The following KCNQ1 variants were observed in gnomAD, a reference collection of about 807,000 sequenced individuals.
KCNQ1 encodes potassium voltage-gated channel subfamily KQT member 1.
Under a neutral mutation model 72.4 loss-of-function variants are expected in KCNQ1, and 49 were observed. The observed-to-expected ratio is 0.68, with a 90% CI of 0.54 to 0.86. The LOEUF (loss-of-function observed/expected upper bound fraction) is 0.86, where lower values mean the gene tolerates loss of function less well. Ranked by LOEUF, KCNQ1 falls within the 40% of genes least tolerant of loss-of-function variation. KCNQ1 has a pLI of 0.00. For synonymous variants in KCNQ1, 450 were observed against 412.6 expected (o/e 1.09, Z -1.10); for missense variants, 790 against 945.1 (o/e 0.84, Z 2.15).
At chr11:2,580,436 T>C in intron 6 of KCNQ1, among the ~76,000 whole-genome samples, 1 of 152,234 alleles carries the variant, frequency 6.6e-6, no homozygotes, top group South Asian at 2.1e-4. Context: ...TCATGAAAAA[T>C]TTCTATATTT....
Position 2,661,551 on chromosome 11 carries a change from T to C in KCNQ1, c.1394-410T>C, listed in dbSNP as rs1590014501. 1.9e-6 allele frequency: 1 copy of C among 528,674 alleles called. No individual in the cohort carries two copies. The highest frequency in any genetic ancestry group is 3.3e-6 in the Non-Finnish European group (1 of 298,930). The allele number at this position is 528,674 out of a possible 1,614,324, so 32.7% of individuals were successfully genotyped here. A position where few individuals can be genotyped will look rare whatever the true frequency, so the allele number is the denominator to read the frequency against. ...CTTTCCTGACCCACTACTCTGTCAA[T>C]GTATGAGTGTGACAATGTATGGTGG... On this transcript the variant is annotated intron_variant, in intron 10 of 15. Coordinates refer to ENST00000155840, the MANE Select transcript of KCNQ1 (RefSeq NM_000218.3). The surrounding 1 kb of genome is among the most constrained non-coding windows in gnomAD (Gnocchi z 5.9).
chr11:2,681,710 G>C, intron 11 of KCNQ1: 1 of 391,702 alleles, frequency 2.6e-6, no homozygotes, highest in Non-Finnish European at 4.4e-6. Context: ...CCATGTGTCT[G>C]TTCCTCTATT....
intron 11 of KCNQ1, chr11:2,666,464 G>A (rs752647119): frequency 2.5e-6 from 1 of 398,694 alleles, no homozygotes; most frequent in Non-Finnish European, 4.4e-6. Context: ...GGACCCTGCA[G>A]AATCTCACGC....
rs374603075 is a variant in KCNQ1 at position 2,466,143 on chromosome 11, T to C, written c.386+20659T>C. ...TTCCTGAGGCTTTGCCTAGGGAGTG[T>C]CGCTGAGGAAGCTGGAACAGTGACC... On this transcript the variant is annotated intron_variant, in intron 1 of 15. Transcript: ENST00000155840. Among the ~76,000 whole-genome samples the C allele has an allele frequency of 1.2e-4, 18 of 152,140 alleles. 1 individual carries two copies. The East Asian group carries it at 1.5e-3, about 13-fold the overall frequency.
In KCNQ1 at chr11:2,827,839, A is replaced by G. The variant is rs1211602636; in HGVS notation, c.1795-19928A>G. On this transcript the variant is annotated intron_variant, in intron 15 of 15. Transcript: ENST00000155840. This position sits in a 1 kb window ranked among gnomAD's most constrained non-coding sequence, Gnocchi z 6.7. ...GGTGGTACTGTTTTCCGGAATGAAG[A>G]GGAAGGGGCGGGCAGAAGGCAGCGA... is the stretch of plus-strand genomic sequence containing the variant. Among the ~76,000 whole-genome samples the G allele has an allele frequency of 6.6e-6, 1 of 152,038 alleles. No homozygotes were observed.
intron 1 of KCNQ1, among the ~76,000 whole-genome samples, chr11:2,511,790 G>C (rs1444825862): frequency 6.6e-6 from 1 of 152,204 alleles, no homozygotes; most frequent in Non-Finnish European, 1.5e-5. Flanking sequence ...TCTGGGAGCT[G>C]GGAACCTCCA....
chr11:2,556,480 G>A (rs1014530612), intron 2 of KCNQ1, among the ~76,000 whole-genome samples: 9 of 152,180 alleles, frequency 5.9e-5, no homozygotes, highest in East Asian at 3.9e-4. Context: ...ACACGGCCAC[G>A]TGTGCTTGTG....
chr11:2,692,303 C>T, intron 11 of KCNQ1: 1 of 399,018 alleles, frequency 2.5e-6, no homozygotes, highest in Non-Finnish European at 4.4e-6. Context: ...TGCTTCCCTC[C>T]ATCCCTATTG....
rs1042607954 is a variant in KCNQ1 at position 2,564,379 on chromosome 11, A to C, written c.478-6249A>C. On this transcript the variant is annotated intron_variant, in intron 2 of 15. Transcript: ENST00000155840. This position sits in a 1 kb window ranked among gnomAD's most constrained non-coding sequence, Gnocchi z 4.5. ...AAGGCTGAGGCGGGCGGATCACCTG[A>C]GGTCAGGAGTTTGAGACCAGCCTGG... Among the ~76,000 whole-genome samples, 3 of 152,168 alleles carry C rather than the reference A, an allele frequency of 2.0e-5. No homozygotes were observed. Among genetic ancestry groups the C allele is most frequent in the Non-Finnish European group, 4.4e-5 (3 of 68,018 alleles).
At chr11:2,743,550 G>T (rs931719450) in intron 11 of KCNQ1, among the ~76,000 whole-genome samples, 5 of 152,184 alleles carry the variant, frequency 3.3e-5, no homozygotes, top group Non-Finnish European at 5.9e-5. Flanking sequence ...CTTGAGCAGG[G>T]AAGGGAAGGG....
At chr11:2,633,240 T>G in intron 10 of KCNQ1, 1 of 398,546 alleles carries the variant, frequency 2.5e-6, no homozygotes, top group Non-Finnish European at 4.4e-6. Context: ...TAATCTGGTG[T>G]TTTTTGCTGT....
chr11:2,842,587 T>C (rs1172900861), intron 15 of KCNQ1, among the ~76,000 whole-genome samples: 4 of 152,210 alleles, frequency 2.6e-5, no homozygotes, highest in African/African-American at 2.4e-5. Flanking sequence ...TACAAGTGTG[T>C]ACAAGGGTGC....
At chr11:2,667,323 A>G (rs981181970) in intron 11 of KCNQ1, 7 of 398,444 alleles carry the variant, frequency 1.8e-5, no homozygotes, top group South Asian at 1.3e-4. Context: ...GGCCCAGAAG[A>G]AAGCAGTGAG....
chr11:2,479,185 G>A lies in KCNQ1; in HGVS notation c.386+33701G>A, dbSNP rs1466908958. ...TGTCTGCAGCTTTTCCAGGCACATG[G>A]TGCAAGCTGTTGATGGATCTATCAT... On this transcript the variant is annotated intron_variant, in intron 1 of 15. Coordinates refer to ENST00000155840, the MANE Select transcript of KCNQ1 (RefSeq NM_000218.3). The surrounding 1 kb of genome is among the most constrained non-coding windows in gnomAD (Gnocchi z 4.6). 2.0e-5 allele frequency among the ~76,000 whole-genome samples: 3 copies of A among 152,192 alleles called. No individual in the cohort carries two copies. Among genetic ancestry groups the A allele is most frequent in the African/African-American group, 2.4e-5 (1 of 41,440 alleles).
rs1467422993 is a variant in KCNQ1 at position 2,715,885 on chromosome 11, GTGAT to G, written c.1515-52955_1515-52952del. 6.6e-6 allele frequency among the ~76,000 whole-genome samples: 1 copy of G among 152,152 alleles called. No individual in the cohort carries two copies. Among genetic ancestry groups the G allele is most frequent in the Non-Finnish European group, 1.5e-5 (1 of 68,006 alleles). On this transcript the variant is annotated intron_variant, in intron 11 of 15. Transcript: ENST00000155840. This position sits in a 1 kb window ranked among gnomAD's most constrained non-coding sequence, Gnocchi z 4.9. Reference sequence around the variant, plus strand: ...GGTGGCCACACCAGCCAGAGCTTGGGTGATTGAGTGGGTAGAGGGGGTGGCCAGA... The same window carrying G: ...GGTGGCCACACCAGCCAGAGCTTGGGTGAGTGGGTAGAGGGGGTGGCCAGA...
intron 11 of KCNQ1, among the ~76,000 whole-genome samples, chr11:2,722,627 G>C (rs925449600): frequency 3.4e-4 from 51 of 152,176 alleles, no homozygotes; most frequent in African/African-American, 1.2e-3. Flanking sequence ...GCTGATGAGA[G>C]CGATGCCGTA....
chr11:2,580,419 C>CATAA (rs34704679), intron 6 of KCNQ1, among the ~76,000 whole-genome samples: 35,997 of 152,104 alleles, frequency 0.24, 7,482 homozygotes, highest in African/African-American at 0.56. Context: ...ATTACATTTT[C>CATAA]ATAATGTCAT....
intron 10 of KCNQ1, chr11:2,656,376 GTCTC>G (rs1042465980): frequency 5.0e-6 from 2 of 398,460 alleles, no homozygotes; most frequent in African/African-American, 4.1e-5. Flanking sequence ...TCCTTCCCTG[GTCTC>G]TCTAAGGATG....
chr11:2,719,812 T>G (rs1481751134), intron 11 of KCNQ1, among the ~76,000 whole-genome samples: 1 of 152,146 alleles, frequency 6.6e-6, no homozygotes, highest in Non-Finnish European at 1.5e-5. Flanking sequence ...CCGTGCTGGT[T>G]TCAGAGAAAC....
Sources: gnomAD v4.1 joint callset for allele counts (sites outside exome capture counted in the v4.1 genomes callset) on GRCh38, gnomAD v4.1.1 for gene constraint, Gnocchi (gnomAD v3.1) non-coding constraint, MANE v1.5 for transcripts, NCBI Gene and HGNC (gene_info 2026-07-23, HGNC 2026-07-21) for gene names.